The following PLXNB2 variants were observed in gnomAD, a reference collection of about 807,000 sequenced individuals.
PLXNB2 encodes the protein plexin-B2.
In PLXNB2, 85 loss-of-function variants were observed where a neutral mutation model predicts 202.6. The ratio of observed to expected loss-of-function variants is 0.42; its 90% confidence interval spans 0.35 to 0.50. The LOEUF (loss-of-function observed/expected upper bound fraction) is 0.50, where lower values mean the gene tolerates loss of function less well. Among genes scored for constraint, PLXNB2 ranks in the 20% least tolerant of loss-of-function variants. The probability of loss-of-function intolerance (pLI) is 0.02; values close to 1 mark genes in which losing one functional copy is unlikely to be tolerated. For synonymous variants in PLXNB2, 1,239 were observed against 1,137.6 expected, an observed-to-expected ratio of 1.09 and a Z score of -1.79; for missense variants, 2,063 against 2,586.2, an observed-to-expected ratio of 0.80 and a Z score of 4.39.
At chr22:50,294,902 T>TAAG in intron 1 of PLXNB2, 124 bp from the exon 2 acceptor site, 1 of 322,860 alleles carries the variant, frequency 3.1e-6, no homozygotes, top group South Asian at 1.2e-4. Context: ...ATCTGGCCTT[T>TAAG]GGCTTCCCTC....
rs534132950 is a variant in PLXNB2 at position 50,300,543 on chromosome 22, T to TGGGGCGGGGC, written c.-73-5775_-73-5766dup. Among the ~76,000 whole-genome samples the TGGGGCGGGGC allele has an allele frequency of 1.5e-3, 233 of 152,116 alleles. 1 individual carries two copies. Among genetic ancestry groups the TGGGGCGGGGC allele is most frequent in the African/African-American group, 4.6e-3 (191 of 41,508 alleles). ...TCCCGGCACAACCCGACCTAGGAGCTGGGGCGGGGCGGGGCGGGGCGGGGC... is the reference window on the plus strand; with the variant it reads ...TCCCGGCACAACCCGACCTAGGAGCTGGGGCGGGGCGGGGCGGGGCGGGGCGGGGCGGGGC... On this transcript the variant is annotated intron_variant, in intron 1 of 36. Coordinates refer to ENST00000359337, the MANE Select transcript of PLXNB2 (RefSeq NM_012401.4).
rs764078057 is a variant in PLXNB2 at position 50,284,244 on chromosome 22, C to A, written c.2182-31G>T. 3 of 1,601,032 alleles carry A rather than the reference C, an allele frequency of 1.9e-6. No individual in the cohort carries two copies. The South Asian group carries it at 3.3e-5, about 18-fold the overall frequency. The stretch of plus-strand genomic sequence containing the variant: ...GGACACGCAGGGGCACACTGCACTT[C>A]CTGCCCCCACAGAGGGGCGTGGGGC... On this transcript the variant is annotated intron_variant, in intron 12 of 36. Coordinates refer to ENST00000359337, the MANE Select transcript of PLXNB2 (RefSeq NM_012401.4). The surrounding 1 kb of genome is among the most constrained non-coding windows in gnomAD (Gnocchi z 8.0).
intron 16 of PLXNB2, 37 bp from the exon 17 acceptor site, chr22:50,283,223 G>A (rs1233767044): frequency 6.3e-7 from 1 of 1,599,026 alleles, no homozygotes; most frequent in Non-Finnish European, 8.5e-7. Flanking sequence ...TGAGGACGGG[G>A]CACAGGACGC....
Position 50,301,691 on chromosome 22 carries a change from C to T in PLXNB2, c.-74+5862G>A, listed in dbSNP as rs1044588195. Among the ~76,000 whole-genome samples, 4 of 152,226 alleles carry T rather than the reference C, an allele frequency of 2.6e-5. No homozygotes were observed. In the East Asian group the frequency reaches 5.8e-4, roughly 22 times the overall value. Reference sequence around the variant, plus strand: ...ATGCAGCTGGCTCAAGACCAGCCCCCGCCCACAGCCCCCTTCTCACCCCCG... The same window carrying T: ...ATGCAGCTGGCTCAAGACCAGCCCCTGCCCACAGCCCCCTTCTCACCCCCG... On this transcript the variant is annotated intron_variant, in intron 1 of 36. Transcript: ENST00000359337.
chr22:50,291,606 G>A lies in PLXNB2; in HGVS notation c.-13-1009C>T, dbSNP rs2066873996. On this transcript the variant is annotated intron_variant, in intron 2 of 36. Coordinates refer to ENST00000359337, the MANE Select transcript of PLXNB2 (RefSeq NM_012401.4). The surrounding 1 kb of genome is among the most constrained non-coding windows in gnomAD (Gnocchi z 4.3). ...CTTTCCCTCCCTACCAGACTCAACTGCATCTTGGGGGCTCAGACACAAGTG... is the reference window on the plus strand; with the variant it reads ...CTTTCCCTCCCTACCAGACTCAACTACATCTTGGGGGCTCAGACACAAGTG... 6.6e-6 allele frequency among the ~76,000 whole-genome samples: 1 copy of A among 152,128 alleles called. No homozygotes were observed. Among genetic ancestry groups the A allele is most frequent in the Non-Finnish European group, 1.5e-5 (1 of 68,020 alleles).
rs1034001365 is a variant in PLXNB2 at position 50,297,738 on chromosome 22, G to A, written c.-73-2960C>T. Among the ~76,000 whole-genome samples the A allele has an allele frequency of 6.6e-6, 1 of 152,224 alleles. No homozygotes were observed. Among genetic ancestry groups the A allele is most frequent in the African/African-American group, 2.4e-5 (1 of 41,462 alleles). The stretch of plus-strand genomic sequence containing the variant: ...AGGCCTGAAGTCCAGAGCCAGACCA[G>A]TGAGTTCACACCCCAGCTCTGTCAC... On this transcript the variant is annotated intron_variant, in intron 1 of 36. Transcript: ENST00000359337. This position sits in a 1 kb window ranked among gnomAD's most constrained non-coding sequence, Gnocchi z 5.3.
Position 50,290,149 on chromosome 22 carries a change from TG to T in PLXNB2, c.435del (p.Ser146AlafsTer12). 6.2e-7 allele frequency: 1 copy of T among 1,612,990 alleles called. No homozygotes were observed. The highest frequency in any genetic ancestry group is 8.5e-7 in the Non-Finnish European group (1 of 1,179,980). On this transcript the variant is annotated frameshift_variant, in exon 3 of 37. Coordinates refer to ENST00000359337, the MANE Select transcript of PLXNB2 (RefSeq NM_012401.4). LOFTEE classifies it high-confidence loss of function. ...ACTGTGGCCACGCCCTCATCATTGC[TG>T]GCCACGAAAGACTTCTCCCCGCTGC... ...EDGSGEKSFVASNDEGVATVG... is the reference protein window; with the variant it reads ...EDGSGEKSFVXSNDEGVATVG...
rs1290377287 is a variant in PLXNB2, at chr22:50,288,086, C to T, written c.1381-49G>A. On this transcript the variant is annotated intron_variant, in intron 5 of 36. Transcript: ENST00000359337. The surrounding 1 kb of genome is among the most constrained non-coding windows in gnomAD (Gnocchi z 5.0). ...GGACCACAGCAGAGGCCGCACGGGC[C>T]TTCCGCAGACCCCAGATGTCCCCAG... The T allele has an allele frequency of 1.4e-6, 2 of 1,408,682 alleles. No individual in the cohort carries two copies. The highest frequency in any genetic ancestry group is 2.9e-5 in the African/African-American group (2 of 70,044). 87.3% of individuals were successfully genotyped at this position (1,408,682 alleles called of 1,614,324 possible). A position where few individuals can be genotyped will look rare whatever the true frequency, so the allele number is the denominator to read the frequency against.
Position 50,283,629 on chromosome 22 carries a change from T to C in PLXNB2, c.2543A>G (p.Gln848Arg). The change falls in exon 15 of 37, where the codon CAG becomes CGG. Residue 848 changes from glutamine to arginine, a missense_variant. Transcript: ENST00000359337. ...GGTGGACACGGAGTAACGTTCCGGC[T>C]GAAAGGAGCAGTTCCGGCCGGCCAC... ...ISVAGRNCSF[Q>R]PERYSVSTRI... is the part of the protein sequence containing the mutation. 6.2e-7 allele frequency: 1 copy of C among 1,612,396 alleles called. No homozygotes were observed. Among genetic ancestry groups the C allele is most frequent in the South Asian group, 1.1e-5 (1 of 90,998 alleles).
chr22:50,296,758 G>A (rs751884940), intron 1 of PLXNB2, among the ~76,000 whole-genome samples: 2 of 152,148 alleles, frequency 1.3e-5, no homozygotes, highest in African/African-American at 2.4e-5. Context: ...GCCTGGCCAG[G>A]TTGTGTGCCA....
At chr22:50,276,792 G>A (rs776084839) in intron 34 of PLXNB2, 50 bp downstream of exon 34, 7 of 1,598,362 alleles carry the variant, frequency 4.4e-6, no homozygotes, top group Non-Finnish European at 5.1e-6. Context: ...CTCCCCGCAG[G>A]GGGTCGAGGG....
intron 1 of PLXNB2, among the ~76,000 whole-genome samples, chr22:50,304,841 G>T (rs572960197): frequency 4.3e-4 from 66 of 152,314 alleles, no homozygotes; most frequent in African/African-American, 1.6e-3. Context: ...TCAGAGAAGG[G>T]AGGTCAAGGC....
In PLXNB2 at chr22:50,284,272, G is replaced by A. The variant is rs904320116; in HGVS notation, c.2182-59C>T. 1 of 1,486,914 alleles carries A rather than the reference G, an allele frequency of 6.7e-7. No homozygotes were observed. The highest frequency in any genetic ancestry group is 9.4e-7 in the Non-Finnish European group (1 of 1,068,024). 92.1% of individuals were successfully genotyped at this position (1,486,914 alleles called of 1,614,324 possible). A position where few individuals can be genotyped will look rare whatever the true frequency, so the allele number is the denominator to read the frequency against. ...GCCCCCACAGAGGGGCGTGGGGCGG[G>A]GGTCACAAGGGCAGCCTCCCTGTGG... is the stretch of plus-strand genomic sequence containing the variant. On this transcript the variant is annotated intron_variant, in intron 12 of 36. Coordinates refer to ENST00000359337, the MANE Select transcript of PLXNB2 (RefSeq NM_012401.4). The surrounding 1 kb of genome is among the most constrained non-coding windows in gnomAD (Gnocchi z 8.0).
chr22:50,302,285 A>G (rs1359183540), intron 1 of PLXNB2, among the ~76,000 whole-genome samples: 2 of 152,084 alleles, frequency 1.3e-5, no homozygotes, highest in African/African-American at 4.8e-5. Context: ...GGGCTTTGGG[A>G]GGCCAGAGGG....
chr22:50,295,303 T>C (rs2067181287), intron 1 of PLXNB2, among the ~76,000 whole-genome samples: 1 of 123,816 alleles, frequency 8.1e-6, no homozygotes, highest in South Asian at 2.5e-4. Context: ...CCTGACTTCG[T>C]CTCAAAAAAA....
In PLXNB2 at chr22:50,291,117, C is replaced by G. The variant is rs2066841324; in HGVS notation, c.-13-520G>C. 6.6e-6 allele frequency among the ~76,000 whole-genome samples: 1 copy of G among 152,156 alleles called. No individual in the cohort carries two copies. Among genetic ancestry groups the G allele is most frequent in the Admixed American group, 6.5e-5 (1 of 15,284 alleles). ...AGGCTCAGGTGAGAGCGAGGGGTGC[C>G]CTGTGCATAGCCCAGCAAGTGCACA... On this transcript the variant is annotated intron_variant, in intron 2 of 36. Transcript: ENST00000359337. The surrounding 1 kb of genome is among the most constrained non-coding windows in gnomAD (Gnocchi z 4.3).
intron 1 of PLXNB2, among the ~76,000 whole-genome samples, chr22:50,299,191 G>T (rs1302893129): frequency 6.6e-6 from 1 of 152,162 alleles, no homozygotes; most frequent in African/African-American, 2.4e-5. Context: ...AGGGCAGGAG[G>T]GGGTGGCATG....
rs369271694 is a variant in PLXNB2, at chr22:50,276,620, T to C, written c.5337+9A>G. 22 of 1,609,200 alleles carry C rather than the reference T, an allele frequency of 1.4e-5. No individual in the cohort carries two copies. Among genetic ancestry groups the C allele is most frequent in the African/African-American group, 1.1e-4 (8 of 74,796 alleles). ...AGGGCTGTGGGTGCGTCCCTGGTGGTCTCCTTACCCGGGAAATCTCTGCCA... is the reference window on the plus strand; with the variant it reads ...AGGGCTGTGGGTGCGTCCCTGGTGGCCTCCTTACCCGGGAAATCTCTGCCA... On this transcript the variant is annotated intron_variant, in intron 35 of 36. Coordinates refer to ENST00000359337, the MANE Select transcript of PLXNB2 (RefSeq NM_012401.4).
rs367824992 is a variant in PLXNB2, at chr22:50,305,360, C to T, written c.-74+2193G>A. The stretch of plus-strand genomic sequence containing the variant: ...GGGCCAGCTGCCGGCTCCTCCTCCC[C>T]GATGTGGTCCCCATGCAGGCCGCCG... On this transcript the variant is annotated intron_variant, in intron 1 of 36. Transcript: ENST00000359337. Among the ~76,000 whole-genome samples the T allele has an allele frequency of 2.5e-4, 38 of 152,356 alleles. No individual in the cohort carries two copies. In the East Asian group the frequency reaches 2.9e-3, roughly 12 times the overall value.
Sources: allele counts gnomAD v4.1 joint callset (sites outside exome capture counted in the v4.1 genomes callset), GRCh38; gene constraint gnomAD v4.1.1; non-coding constraint Gnocchi (gnomAD v3.1); transcripts MANE v1.5; gene names NCBI Gene and HGNC (gene_info 2026-07-23, HGNC 2026-07-21).